BAALC: variants seen among roughly 807,000 people sequenced by gnomAD.
BAALC encodes the protein BAALC binder of MAP3K1 and KLF4, also known as brain and acute leukemia cytoplasmic protein.
In BAALC, 9 loss-of-function variants were observed where a neutral mutation model predicts 15.5. That is an observed-to-expected ratio of 0.58 (90% CI 0.35 to 1.02). BAALC has a LOEUF of 1.02. BAALC is among the 50% of genes least tolerant of loss of function. The probability of loss-of-function intolerance (pLI) is 0.02; values close to 1 mark genes in which losing one functional copy is unlikely to be tolerated. For synonymous variants in BAALC, 80 were observed against 74.6 expected, an observed-to-expected ratio of 1.07 and a Z score of -0.37; for missense variants, 201 against 192.4, an observed-to-expected ratio of 1.04 and a Z score of -0.27.
At chr8:103,177,828 T>C (rs942735850) in intron 1 of BAALC, among the ~76,000 whole-genome samples, 1 of 152,252 alleles carries the variant, frequency 6.6e-6, no homozygotes, top group Admixed American at 6.5e-5. Flanking sequence ...TAAAATTTAT[T>C]GTAATTTATA....
intron 1 of BAALC, among the ~76,000 whole-genome samples, chr8:103,149,901 T>A (rs941800507): frequency 1.3e-5 from 2 of 152,244 alleles, no homozygotes; most frequent in African/African-American, 4.8e-5. Flanking sequence ...TCAGGCTGAG[T>A]ATGCTGTTCT....
chr8:103,153,253 T>C (rs1475405944), intron 1 of BAALC: 4 of 152,138 alleles, frequency 2.6e-5, no homozygotes, highest in Admixed American at 2.0e-4. Context: ...TTTCATCCTA[T>C]AGCTGTGGTC....
chr8:103,144,496 G>A (rs62527611), intron 1 of BAALC, among the ~76,000 whole-genome samples: 17,430 of 152,170 alleles, frequency 0.11, 1,074 homozygotes, highest in Non-Finnish European at 0.14. Flanking sequence ...AAATCAGTCT[G>A]CTGGATTGAT....
rs1196341112 is a variant in BAALC at position 103,229,286 on chromosome 8, G to T, written c.*1187G>T. The T allele has an allele frequency of 2.6e-5, 4 of 152,128 alleles. No homozygotes were observed. The highest frequency in any genetic ancestry group is 9.7e-5 in the African/African-American group (4 of 41,416). 9.4% of individuals were successfully genotyped at this position (152,128 alleles called of 1,614,324 possible). A position where few individuals can be genotyped will look rare whatever the true frequency, so the allele number is the denominator to read the frequency against. On this transcript the variant is annotated 3_prime_UTR_variant, in exon 3 of 3. Coordinates refer to ENST00000309982, the MANE Select transcript of BAALC (RefSeq NM_024812.3). ...TTTTCAAGGATTGTTAACATGCCTG[G>T]GATTGGGAAAGATAGGACTAAAGTT...
intron 1 of BAALC, among the ~76,000 whole-genome samples, chr8:103,176,304 A>G (rs1380426708): frequency 1.3e-5 from 2 of 152,172 alleles, no homozygotes; most frequent in African/African-American, 4.8e-5. Context: ...ATGTACTGGC[A>G]CTTATGATGT....
intron 1 of BAALC, among the ~76,000 whole-genome samples, chr8:103,154,908 A>G (rs1158807162): frequency 7.2e-6 from 1 of 139,168 alleles, no homozygotes; most frequent in Non-Finnish European, 1.5e-5. Flanking sequence ...TGGGCCTCTT[A>G]CCTATCTCAA....
intron 1 of BAALC, among the ~76,000 whole-genome samples, chr8:103,164,325 A>C (rs1325843236): frequency 6.6e-6 from 1 of 152,108 alleles, no homozygotes; most frequent in African/African-American, 2.4e-5. Flanking sequence ...ACTATTTAGG[A>C]CCTTGTGAGT....
Position 103,143,427 on chromosome 8 carries a change from A to G in BAALC, c.160+2370A>G, listed in dbSNP as rs183939759. Among the ~76,000 whole-genome samples, 543 of 152,186 alleles carry G rather than the reference A, an allele frequency of 3.6e-3. 5 individuals carry two copies. Among genetic ancestry groups the G allele is most frequent in the African/African-American group, 0.012 (517 of 41,518 alleles). ...TCCTGTTTACAGAAGTTGTTTTCTGATGGGAGAGGTGGGTAGGAGTAAATG... is the reference window on the plus strand; with the variant it reads ...TCCTGTTTACAGAAGTTGTTTTCTGGTGGGAGAGGTGGGTAGGAGTAAATG... On this transcript the variant is annotated intron_variant, in intron 1 of 2. Coordinates refer to ENST00000309982, the MANE Select transcript of BAALC (RefSeq NM_024812.3).
intron 1 of BAALC, among the ~76,000 whole-genome samples, chr8:103,158,367 C>T (rs1811146231): frequency 6.6e-6 from 1 of 152,138 alleles, no homozygotes; most frequent in African/African-American, 2.4e-5. Context: ...AGAATAAGTT[C>T]CAATACTTCC....
chr8:103,187,625 C>T (rs1811871511), intron 1 of BAALC, among the ~76,000 whole-genome samples: 1 of 152,190 alleles, frequency 6.6e-6, no homozygotes, highest in Non-Finnish European at 1.5e-5. Flanking sequence ...AAACAGCTTT[C>T]TGCTTTTTGC....
chr8:103,209,123 G>C (rs1294908537), intron 1 of BAALC, among the ~76,000 whole-genome samples: 1 of 152,166 alleles, frequency 6.6e-6, no homozygotes, highest in Non-Finnish European at 1.5e-5. Context: ...TGTAATCCCA[G>C]CACTTTGGGA....
intron 1 of BAALC, among the ~76,000 whole-genome samples, chr8:103,177,385 A>G (rs1217856363): frequency 2.6e-5 from 4 of 151,992 alleles, no homozygotes; most frequent in East Asian, 1.9e-4. Flanking sequence ...GGGTCTTACT[A>G]TGTTGCCCAG....
At chr8:103,150,383 C>CTG (rs141050731) in intron 1 of BAALC, among the ~76,000 whole-genome samples, 16,301 of 148,484 alleles carry the variant, frequency 0.11, 1,284 homozygotes, top group East Asian at 0.42. Context: ...CTGGGTGTGT[C>CTG]TGTGTGTGTG....
Position 103,228,009 on chromosome 8 carries a change from A to G in BAALC, c.348A>G (p.Arg116=). The G allele has an allele frequency of 6.2e-7, 1 of 1,613,208 alleles. No individual in the cohort carries two copies. ...QTTEAKRDAK[R]MPAKEVTINV... is the part of the protein sequence containing the mutation. ...AACAGGCTAAAAGAGATGCTAAGAG[A>G]ATGCCTGCAAAAGAAGTCACCATTA... The change falls in exon 3 of 3, where the codon AGA becomes AGG. Residue 116 remains arginine (R), a synonymous_variant. Transcript: ENST00000309982.
chr8:103,145,436 A>T (rs372939181), intron 1 of BAALC, among the ~76,000 whole-genome samples: 11 of 152,320 alleles, frequency 7.2e-5, no homozygotes, highest in African/African-American at 2.6e-4. Flanking sequence ...GCCTGACCAC[A>T]TTCTCTAAAT....
At chr8:103,186,146 A>G (rs1811831207) in intron 1 of BAALC, among the ~76,000 whole-genome samples, 1 of 152,162 alleles carries the variant, frequency 6.6e-6, no homozygotes, top group South Asian at 2.1e-4. Flanking sequence ...CCCATCTGGT[A>G]ACAGCATCCA....
intron 1 of BAALC, among the ~76,000 whole-genome samples, chr8:103,141,951 A>G (rs1378002153): frequency 2.0e-5 from 3 of 152,222 alleles, no homozygotes; most frequent in Non-Finnish European, 4.4e-5. Context: ...CCACAGACTG[A>G]CCTTTAATCA....
chr8:103,229,480 T>TTTCC lies in BAALC; in HGVS notation c.*1394_*1397dup, dbSNP rs905922675. On this transcript the variant is annotated 3_prime_UTR_variant, in exon 3 of 3. Coordinates refer to ENST00000309982, the MANE Select transcript of BAALC (RefSeq NM_024812.3). ...TCAAACACAAGTGGGTAGTGTCATT[T>TTTCC]TTCCTTCCTTCCTTCCATTGGCAGA... 10 of 152,334 alleles carry TTTCC rather than the reference T, an allele frequency of 6.6e-5. No individual in the cohort carries two copies. Among genetic ancestry groups the TTTCC allele is most frequent in the African/African-American group, 2.2e-4 (9 of 41,576 alleles). The allele number at this position is 152,334 out of a possible 1,614,324, so 9.4% of individuals were successfully genotyped here.
At chr8:103,193,869 AC>A (rs1050718235) in intron 1 of BAALC, among the ~76,000 whole-genome samples, 31 of 152,344 alleles carry the variant, frequency 2.0e-4, no homozygotes, top group African/African-American at 6.5e-4. Flanking sequence ...TCCCTGGTAC[AC>A]AGTGAACCAG....
Sources: allele counts gnomAD v4.1 joint callset (sites outside exome capture counted in the v4.1 genomes callset), GRCh38; gene constraint gnomAD v4.1.1; transcripts MANE v1.5; gene names NCBI Gene and HGNC (gene_info 2026-07-23, HGNC 2026-07-21).